TRPM6: variants seen among roughly 807,000 people sequenced by gnomAD.
TRPM6 encodes the protein transient receptor potential cation channel subfamily M member 6.
TRPM6 carries 111 observed loss-of-function variants against 247.6 expected under a neutral mutation model. The ratio of observed to expected loss-of-function variants is 0.45; its 90% CI spans 0.38 to 0.52. The LOEUF is 0.52. Among genes scored for constraint, TRPM6 ranks in the 20% least tolerant of loss-of-function variants. The probability of loss-of-function intolerance (pLI) is 0.00; values close to 1 mark genes in which losing one functional copy is unlikely to be tolerated. For missense variants in TRPM6, 2,126 were observed against 2,421.5 expected (o/e 0.88, Z 2.56); for synonymous variants, 892 against 853.8 (o/e 1.04, Z -0.78).
chr9:74,809,232 G>T (rs1379858143), intron 13 of TRPM6, among the ~76,000 whole-genome samples: 2 of 152,124 alleles, frequency 1.3e-5, no homozygotes, highest in African/African-American at 4.8e-5. Context: ...TTGGCAGGAG[G>T]GCTGAGTGGT....
intron 36 of TRPM6, among the ~76,000 whole-genome samples, chr9:74,735,477 T>C (rs912241077): frequency 4.6e-5 from 7 of 152,130 alleles, no homozygotes; most frequent in African/African-American, 1.4e-4. Flanking sequence ...TGGTGGAAAT[T>C]TTTTTATGTA....
intron 23 of TRPM6, among the ~76,000 whole-genome samples, chr9:74,776,724 T>C (rs372225727): frequency 7.7e-4 from 117 of 152,284 alleles, no homozygotes; most frequent in South Asian, 4.1e-3. Flanking sequence ...TGATTGGAGG[T>C]ACAGTTATTC....
intron 31 of TRPM6, among the ~76,000 whole-genome samples, chr9:74,746,990 C>G (rs1051453526): frequency 4.0e-5 from 6 of 151,890 alleles, no homozygotes; most frequent in African/African-American, 1.5e-4. Flanking sequence ...AGAAGTAGAA[C>G]AGCCAAAGAA....
At chr9:74,828,226 G>A (rs996956157) in intron 6 of TRPM6, among the ~76,000 whole-genome samples, 1 of 152,076 alleles carries the variant, frequency 6.6e-6, no homozygotes, top group Non-Finnish European at 1.5e-5. Flanking sequence ...CATGGTGGCA[G>A]GTGCCTGTAG....
At chr9:74,734,827 A>G (rs1274576009) in intron 36 of TRPM6, among the ~76,000 whole-genome samples, 4 of 152,184 alleles carry the variant, frequency 2.6e-5, no homozygotes, top group African/African-American at 9.6e-5. Context: ...ACAAAACTTT[A>G]TACCCCTAAA....
chr9:74,837,458 T>C (rs1012565088), intron 5 of TRPM6, among the ~76,000 whole-genome samples: 5 of 152,080 alleles, frequency 3.3e-5, no homozygotes, highest in East Asian at 1.9e-4. Context: ...GTTTTCTTTT[T>C]TTTTTTTGAG....
intron 35 of TRPM6, 49 bp downstream of exon 35, chr9:74,739,318 T>A: frequency 2.7e-6 from 4 of 1,506,384 alleles, no homozygotes; most frequent in Non-Finnish European, 3.7e-6. Context: ...GAAGACGTGA[T>A]AGAAATTCCT....
chr9:74,743,514 T>C (rs2254229), intron 32 of TRPM6, among the ~76,000 whole-genome samples: 18,701 of 152,250 alleles, frequency 0.12, 1,386 homozygotes, highest in South Asian at 0.22. Flanking sequence ...CTCTTAATTC[T>C]CAACTAGCCC....
chr9:74,884,713 GT>G (rs1831478011), intron 1 of TRPM6, among the ~76,000 whole-genome samples: 1 of 152,046 alleles, frequency 6.6e-6, no homozygotes, highest in Non-Finnish European at 1.5e-5. Flanking sequence ...TAGTGACAAA[GT>G]TTTTAAGGGA....
intron 3 of TRPM6, among the ~76,000 whole-genome samples, chr9:74,852,526 T>C (rs1031419707): frequency 2.6e-5 from 4 of 151,406 alleles, no homozygotes; most frequent in Admixed American, 6.6e-5. Flanking sequence ...CTCTCCACGG[T>C]CTCCCTCTGA....
chr9:74,854,238 G>A (rs1424080592), intron 3 of TRPM6, among the ~76,000 whole-genome samples: 1 of 152,150 alleles, frequency 6.6e-6, no homozygotes, highest in Non-Finnish European at 1.5e-5. Context: ...TTTCTGAGAG[G>A]TATAAAAGTA....
At chr9:74,859,636 T>A (rs985263292) in intron 1 of TRPM6, among the ~76,000 whole-genome samples, 2 of 152,018 alleles carry the variant, frequency 1.3e-5, no homozygotes, top group African/African-American at 4.8e-5. Context: ...TAGCTGGGCA[T>A]GGTGGCAGGC....
intron 1 of TRPM6, among the ~76,000 whole-genome samples, chr9:74,881,742 C>A (rs565415633): frequency 6.6e-6 from 1 of 151,986 alleles, no homozygotes; most frequent in Non-Finnish European, 1.5e-5. Flanking sequence ...TCTTCTCAGA[C>A]CACAAGATAA....
At chr9:74,784,357 A>G (rs188346375) in intron 21 of TRPM6, among the ~76,000 whole-genome samples, 2 of 152,266 alleles carry the variant, frequency 1.3e-5, no homozygotes, top group East Asian at 1.9e-4. Flanking sequence ...AGGTGGCCCA[A>G]TTTTGAATCC....
At chr9:74,811,863 C>T (rs148287928) in intron 12 of TRPM6, among the ~76,000 whole-genome samples, 4 of 152,014 alleles carry the variant, frequency 2.6e-5, no homozygotes, top group Admixed American at 2.6e-4. Context: ...GAAAAAGGAA[C>T]GTTTTATTAG....
At chr9:74,860,539 A>G (rs528620614) in intron 1 of TRPM6, among the ~76,000 whole-genome samples, 2 of 152,094 alleles carry the variant, frequency 1.3e-5, no homozygotes, top group East Asian at 1.9e-4. Context: ...TTGTATTTTT[A>G]GTAGCAACAG....
At chr9:74,871,753 C>T (rs536500294) in intron 1 of TRPM6, among the ~76,000 whole-genome samples, 7 of 152,104 alleles carry the variant, frequency 4.6e-5, no homozygotes, top group African/African-American at 1.7e-4. Flanking sequence ...CTATATTGCC[C>T]AGGTTGGCCT....
chr9:74,842,921 C>T (rs1016164544), intron 3 of TRPM6, among the ~76,000 whole-genome samples: 3 of 152,136 alleles, frequency 2.0e-5, no homozygotes, highest in Non-Finnish European at 2.9e-5. Flanking sequence ...TAAAATAAGA[C>T]AATGATGAAG....
At chr9:74,747,791 T>C (rs1826101753) in intron 31 of TRPM6, 98 bp downstream of exon 31, 6 of 1,069,962 alleles carry the variant, frequency 5.6e-6, no homozygotes, top group East Asian at 2.4e-5. Context: ...AAATCATAAA[T>C]ACAATTTCAA....
Sources: allele counts gnomAD v4.1 joint callset (sites outside exome capture counted in the v4.1 genomes callset), GRCh38; gene constraint gnomAD v4.1.1; transcripts MANE v1.5; gene names NCBI Gene and HGNC (gene_info 2026-07-23, HGNC 2026-07-21).